ZNF804B: variants seen among roughly 807,000 people sequenced by gnomAD.
The protein encoded by ZNF804B is zinc finger 804B.
Under a neutral mutation model 101.4 loss-of-function variants are expected in ZNF804B, and 80 were observed. The observed-to-expected ratio is 0.79, with a 90% CI of 0.66 to 0.95. ZNF804B has a LOEUF of 0.95. ZNF804B is among the 40% of genes least tolerant of loss of function. The probability of loss-of-function intolerance (pLI) is 0.00; values close to 1 mark genes in which losing one functional copy is unlikely to be tolerated. For missense variants in ZNF804B, 1,673 were observed against 1,561.9 expected (o/e 1.07, Z -1.20); for synonymous variants, 622 against 558.8 (o/e 1.11, Z -1.59).
chr7:89,051,977 TTTTG>T (rs1159299278), intron 1 of ZNF804B, among the ~76,000 whole-genome samples: 4 of 152,146 alleles, frequency 2.6e-5, no homozygotes, highest in African/African-American at 9.7e-5. Context: ...CCCCTTGTGA[TTTTG>T]TTTGTCTTTG....
intron 1 of ZNF804B, among the ~76,000 whole-genome samples, chr7:89,084,667 A>G (rs1437965924): frequency 2.6e-5 from 4 of 151,954 alleles, no homozygotes; most frequent in Non-Finnish European, 5.9e-5. Flanking sequence ...CATTGCTGAC[A>G]CTGATTTCTT....
At chr7:89,220,024 TATATATACGCAC>T (rs1788969046) in intron 2 of ZNF804B, among the ~76,000 whole-genome samples, 35 of 113,512 alleles carry the variant, frequency 3.1e-4, no homozygotes, top group African/African-American at 1.2e-3. Context: ...TGTGTATACA[TATATATACGCAC>T]ATATATGTGC....
At chr7:89,298,212 G>GTA (rs1486889255) in intron 2 of ZNF804B, among the ~76,000 whole-genome samples, 19 of 65,268 alleles carry the variant, frequency 2.9e-4, no homozygotes, top group African/African-American at 8.0e-4. Context: ...GTGTGTGTGT[G>GTA]TGTGTATATA....
chr7:88,904,684 T>G (rs529445976), intron 1 of ZNF804B, among the ~76,000 whole-genome samples: 1 of 152,194 alleles, frequency 6.6e-6, no homozygotes, highest in African/African-American at 2.4e-5. Context: ...TAGCTGTATT[T>G]CAAGGTATTT....
chr7:89,171,190 T>G (rs1203701342), intron 1 of ZNF804B, among the ~76,000 whole-genome samples: 1 of 152,154 alleles, frequency 6.6e-6, no homozygotes, highest in Admixed American at 6.5e-5. Context: ...AGTAATAAAT[T>G]ATTTGGGGTT....
intron 2 of ZNF804B, among the ~76,000 whole-genome samples, chr7:89,241,189 C>T (rs1584077435): frequency 6.6e-6 from 1 of 152,080 alleles, no homozygotes; most frequent in African/African-American, 2.4e-5. Flanking sequence ...CTTTACTCCC[C>T]CAAATCCCTA....
chr7:88,869,263 AT>A (rs1298327914), intron 1 of ZNF804B, among the ~76,000 whole-genome samples: 5 of 152,170 alleles, frequency 3.3e-5, no homozygotes, highest in Non-Finnish European at 5.9e-5. Context: ...CATGGCATTT[AT>A]TTTTGGTTCC....
At chr7:88,994,871 T>C (rs1321537675) in intron 1 of ZNF804B, among the ~76,000 whole-genome samples, 2 of 152,216 alleles carry the variant, frequency 1.3e-5, no homozygotes, top group East Asian at 3.9e-4. Context: ...TTCCTCTGGA[T>C]TCATTTTGCA....
At chr7:88,998,009 G>C (rs568816361) in intron 1 of ZNF804B, among the ~76,000 whole-genome samples, 1 of 152,164 alleles carries the variant, frequency 6.6e-6, no homozygotes, top group South Asian at 2.1e-4. Flanking sequence ...CGCCTGGAAA[G>C]GGCTGTCTGC....
At chr7:89,193,740 C>T (rs1402539960) in intron 1 of ZNF804B, among the ~76,000 whole-genome samples, 1 of 152,004 alleles carries the variant, frequency 6.6e-6, no homozygotes, top group Non-Finnish European at 1.5e-5. Flanking sequence ...GATTCCAAGT[C>T]TTTGCTATTG....
chr7:88,869,607 T>C (rs1791784756), intron 1 of ZNF804B, among the ~76,000 whole-genome samples: 1 of 152,186 alleles, frequency 6.6e-6, no homozygotes, highest in Non-Finnish European at 1.5e-5. Flanking sequence ...CAAATATATA[T>C]CAAAATTTGT....
In ZNF804B at chr7:89,155,177, G is replaced by A. The variant is rs185895309; in HGVS notation, c.109-62978G>A. 3.7e-4 allele frequency among the ~76,000 whole-genome samples: 57 copies of A among 152,070 alleles called. No individual in the cohort carries two copies. The East Asian group carries it at 6.4e-3, about 17-fold the overall frequency. ...AAATTGTTTCAGATTTCTCTCTTGG[G>A]GTTTATAACTGTTAATATCTACTCA... On this transcript the variant is annotated intron_variant, in intron 1 of 3. Coordinates refer to ENST00000333190, the MANE Select transcript of ZNF804B (RefSeq NM_181646.5).
intron 1 of ZNF804B, among the ~76,000 whole-genome samples, chr7:89,145,867 T>TA (rs1339953608): frequency 6.6e-6 from 1 of 151,398 alleles, no homozygotes; most frequent in Non-Finnish European, 1.5e-5. Flanking sequence ...ATAAGGAATT[T>TA]AAAAAAAAGC....
chr7:88,812,115 C>A (rs1790799431), intron 1 of ZNF804B, among the ~76,000 whole-genome samples: 1 of 152,174 alleles, frequency 6.6e-6, no homozygotes, highest in African/African-American at 2.4e-5. Flanking sequence ...TACAACCTTT[C>A]TTAACACAGC....
At chr7:89,266,593 C>CATG (rs1562931676) in intron 2 of ZNF804B, among the ~76,000 whole-genome samples, 1 of 152,136 alleles carries the variant, frequency 6.6e-6, no homozygotes, top group Non-Finnish European at 1.5e-5. Flanking sequence ...GTTCCTCTTG[C>CATG]ATGAATAGCC....
rs58545685 is a variant in ZNF804B, at chr7:88,809,304, C to CATCT, written c.108+49270_108+49273dup. ...GTATACAGAATCTATTATTGCTTGT[C>CATCT]ATCTATCTATCTATCTATCTATCTA... On this transcript the variant is annotated intron_variant, in intron 1 of 3. Coordinates refer to ENST00000333190, the MANE Select transcript of ZNF804B (RefSeq NM_181646.5). Among the ~76,000 whole-genome samples the CATCT allele has an allele frequency of 3.9e-3, 581 of 148,134 alleles. 1 individual carries two copies. The highest frequency in any genetic ancestry group is 7.0e-3 in the Middle Eastern group (2 of 286).
rs546090027 is a variant in ZNF804B, at chr7:89,130,443, A to G, written c.109-87712A>G. 1.4e-4 allele frequency among the ~76,000 whole-genome samples: 21 copies of G among 152,074 alleles called. No homozygotes were observed. In the South Asian group the frequency reaches 4.4e-3, roughly 32 times the overall value. The stretch of plus-strand genomic sequence containing the variant: ...TCCTTAGAAACCCCAGATGAACCCC[A>G]AGAAGGAACTAGAGAGGGGGCATCT... On this transcript the variant is annotated intron_variant, in intron 1 of 3. Coordinates refer to ENST00000333190, the MANE Select transcript of ZNF804B (RefSeq NM_181646.5).
intron 2 of ZNF804B, among the ~76,000 whole-genome samples, chr7:89,290,640 G>T (rs546608317): frequency 2.0e-5 from 3 of 152,256 alleles, no homozygotes; most frequent in East Asian, 1.9e-4. Flanking sequence ...AGGCTCCTTT[G>T]ACTGTAGAAA....
chr7:89,292,855 A>G (rs1057071326), intron 2 of ZNF804B, among the ~76,000 whole-genome samples: 2 of 151,912 alleles, frequency 1.3e-5, no homozygotes, highest in Non-Finnish European at 2.9e-5. Flanking sequence ...TTTTTGTAAC[A>G]TCTGAAATAG....
Sources: allele counts gnomAD v4.1 joint callset (sites outside exome capture counted in the v4.1 genomes callset), GRCh38; gene constraint gnomAD v4.1.1; transcripts MANE v1.5; gene names NCBI Gene and HGNC (gene_info 2026-07-23, HGNC 2026-07-21).